SRPRA: variants seen among roughly 807,000 people sequenced by gnomAD.
SRPRA encodes the protein signal recognition particle receptor subunit alpha.
A neutral mutation model predicts 61.1 loss-of-function variants in SRPRA; 30 were observed. The ratio of observed to expected loss-of-function variants is 0.49; its 90% CI spans 0.37 to 0.67. SRPRA has a LOEUF of 0.67. Ranked by LOEUF, SRPRA falls within the 30% of genes least tolerant of loss-of-function variation. The probability of loss-of-function intolerance (pLI) is 0.00; values close to 1 mark genes in which losing one functional copy is unlikely to be tolerated. For missense variants in SRPRA, 759 were observed against 828.4 expected (o/e 0.92, Z 1.03); for synonymous variants, 324 against 299.7 (o/e 1.08, Z -0.84).
the SRPRA span, chr11:126,241,059 A>G: frequency 6.4e-7 from 1 of 1,555,696 alleles, no homozygotes; most frequent in Non-Finnish European, 8.7e-7. Flanking sequence ...GTACCCTAGT[A>G]TGTGCCACAG....
In SRPRA at chr11:126,265,176, T is replaced by C. The variant is rs1364309694; in HGVS notation, c.1312-4A>G. ...TCTCTAACAACCAGAAGGAAATCTG[T>C]GAAAAAGACGTAAGAAAAGTCACCT... On this transcript the variant is annotated splice_polypyrimidine_tract_variant and splice_region_variant and intron_variant, in intron 10 of 13. Coordinates refer to ENST00000332118, the MANE Select transcript of SRPRA (RefSeq NM_003139.4). The surrounding 1 kb of genome is among the most constrained non-coding windows in gnomAD (Gnocchi z 6.3). 1.2e-6 allele frequency: 2 copies of C among 1,613,858 alleles called. No homozygotes were observed. Among genetic ancestry groups the C allele is most frequent in the African/African-American group, 2.7e-5 (2 of 74,862 alleles).
In SRPRA at chr11:126,264,584, C is replaced by T; in HGVS notation, c.1526-45G>A. Reference sequence around the variant, plus strand: ...AACTCTGAACACCTGGACTACCACTCATGCTCGTTCCCAGCTTCCTCTCAA... The same window carrying T: ...AACTCTGAACACCTGGACTACCACTTATGCTCGTTCCCAGCTTCCTCTCAA... On this transcript the variant is annotated intron_variant, in intron 11 of 13. Coordinates refer to ENST00000332118, the MANE Select transcript of SRPRA (RefSeq NM_003139.4). This position sits in a 1 kb window ranked among gnomAD's most constrained non-coding sequence, Gnocchi z 5.0. 1.3e-6 allele frequency: 2 copies of T among 1,597,518 alleles called. No homozygotes were observed. The highest frequency in any genetic ancestry group is 1.1e-5 in the South Asian group (1 of 89,978).
chr11:126,265,666 T>C lies in SRPRA; in HGVS notation c.1138+71A>G, dbSNP rs1391832585. On this transcript the variant is annotated intron_variant, in intron 9 of 13. Coordinates refer to ENST00000332118, the MANE Select transcript of SRPRA (RefSeq NM_003139.4). The surrounding 1 kb of genome is among the most constrained non-coding windows in gnomAD (Gnocchi z 6.3). ...GTTAAGGAATTTGCCGAAAGTCACA[T>C]ACCTAGTAAGAACTGAGGTCTATGC... 1.3e-6 allele frequency: 2 copies of C among 1,536,536 alleles called. No individual in the cohort carries two copies. Among genetic ancestry groups the C allele is most frequent in the South Asian group, 1.1e-5 (1 of 88,162 alleles).
At chr11:126,241,830 A>C in the SRPRA span, among the ~76,000 whole-genome samples, 1 of 152,108 alleles carries the variant, frequency 6.6e-6, no homozygotes, top group South Asian at 2.1e-4. Flanking sequence ...GATTATAGGC[A>C]TGAGCCACTG....
the SRPRA span, chr11:126,256,892 C>G: frequency 1.3e-6 from 2 of 1,558,484 alleles, no homozygotes; most frequent in Non-Finnish European, 1.7e-6. This position sits in a 1 kb window ranked among gnomAD's most constrained non-coding sequence, Gnocchi z 6.6. Flanking sequence ...CAGAGAACAA[C>G]AGCTCTTCAG....
the SRPRA span, among the ~76,000 whole-genome samples, chr11:126,246,620 T>A: frequency 3.1e-3 from 473 of 152,262 alleles, 1 homozygote; most frequent in Non-Finnish European, 4.7e-3. Flanking sequence ...TTTCTTTTTT[T>A]AAATAGAAAT....
Position 126,267,876 on chromosome 11 carries a change from T to C in SRPRA, c.201+127A>G, listed in dbSNP as rs1950849023. On this transcript the variant is annotated intron_variant, in intron 2 of 13. Transcript: ENST00000332118. This position sits in a 1 kb window ranked among gnomAD's most constrained non-coding sequence, Gnocchi z 4.2. The stretch of plus-strand genomic sequence containing the variant: ...TGCCTGGGCCCAGTAGCTGCTGTTT[T>C]CCCCCATCTACCTTTCTAGTTTTTT... The C allele has an allele frequency of 3.6e-6, 5 of 1,373,470 alleles. No individual in the cohort carries two copies. Among genetic ancestry groups the C allele is most frequent in the Admixed American group, 3.8e-5 (2 of 52,140 alleles). The allele number at this position is 1,373,470 out of a possible 1,614,324, so 85.1% of individuals were successfully genotyped here.
the SRPRA span, among the ~76,000 whole-genome samples, chr11:126,247,572 A>G: frequency 6.6e-6 from 1 of 152,108 alleles, no homozygotes; most frequent in Non-Finnish European, 1.5e-5. Context: ...AAAATGTAGT[A>G]CGTATTTGCC....
At position 126,263,963 on chromosome 11, in the gene SRPRA, G is replaced by C; in HGVS notation, c.1870C>G (p.Arg624Gly). ...VGTGQTYCDL[R>G]SLNAKAVVAA... Reference sequence around the variant, plus strand: ...ACCACAGCCTTGGCATTGAGGCTGCGTAGGTCACAGTAGGTCTGGCCGGTG... The same window carrying C: ...ACCACAGCCTTGGCATTGAGGCTGCCTAGGTCACAGTAGGTCTGGCCGGTG... Residue 624 changes from arginine (R) to glycine (G), a missense_variant, in exon 14 of 14, where the codon CGC (arginine) becomes GGC (glycine). Coordinates refer to ENST00000332118, the MANE Select transcript of SRPRA (RefSeq NM_003139.4). 1 of 1,614,194 alleles carries C rather than the reference G, an allele frequency of 6.2e-7. No homozygotes were observed. Among genetic ancestry groups the C allele is most frequent in the Non-Finnish European group, 8.5e-7 (1 of 1,180,038 alleles).
At chr11:126,236,911 CA>C in the SRPRA span, among the ~76,000 whole-genome samples, 1 of 129,448 alleles carries the variant, frequency 7.7e-6, no homozygotes, top group African/African-American at 2.9e-5. Context: ...TTATGTTTCA[CA>C]GATGCTTTTT....
At chr11:126,261,203 G>T (rs1950690060), downstream of SRPRA, 4 of 554,288 alleles carry the variant, frequency 7.2e-6, no homozygotes, top group Middle Eastern at 4.8e-4. Context: ...AGCAATCGTA[G>T]TGCACTGTGG....
the SRPRA span, among the ~76,000 whole-genome samples, chr11:126,236,075 G>A: frequency 6.6e-6 from 1 of 152,186 alleles, no homozygotes; most frequent in South Asian, 2.1e-4. Flanking sequence ...CTGGATGCTA[G>A]TCCACTCTGG....
At chr11:126,251,133 A>G in the SRPRA span, among the ~76,000 whole-genome samples, 1 of 152,210 alleles carries the variant, frequency 6.6e-6, no homozygotes, top group Non-Finnish European at 1.5e-5. Flanking sequence ...TGGAAGAACA[A>G]CTTCCAGGCC....
At chr11:126,237,196 G>A in the SRPRA span, among the ~76,000 whole-genome samples, 10 of 139,984 alleles carry the variant, frequency 7.1e-5, no homozygotes, top group African/African-American at 2.4e-4. Context: ...GATTACAGAC[G>A]TGAGCCACCG....
intron 6 of SRPRA, 91 bp from the exon 7 acceptor site, chr11:126,266,369 G>A (rs1426395176): frequency 8.8e-6 from 14 of 1,588,766 alleles, no homozygotes; most frequent in Admixed American, 1.7e-5. Flanking sequence ...ATTTTGGGAA[G>A]CTCCAAGTAT....
chr11:126,243,858 C>T, the SRPRA span, among the ~76,000 whole-genome samples: 6 of 150,092 alleles, frequency 4.0e-5, no homozygotes, highest in Non-Finnish European at 7.4e-5. Flanking sequence ...GAGCCAAGAT[C>T]GCACCACTGC....
At chr11:126,243,777 G>A in the SRPRA span, among the ~76,000 whole-genome samples, 1 of 151,908 alleles carries the variant, frequency 6.6e-6, no homozygotes, top group Non-Finnish European at 1.5e-5. Flanking sequence ...GGTAGTGCAT[G>A]CCTGTAATCC....
Position 126,267,317 on chromosome 11 carries a change from A to G in SRPRA, c.384T>C (p.Ser128=). The G allele has an allele frequency of 6.2e-7, 1 of 1,613,984 alleles. No individual in the cohort carries two copies. Among genetic ancestry groups the G allele is most frequent in the Non-Finnish European group, 8.5e-7 (1 of 1,179,990 alleles). Residue 128 remains serine, a synonymous_variant, in exon 4 of 14, where the codon AGT becomes AGC. Transcript: ENST00000332118. This position sits in a 1 kb window ranked among gnomAD's most constrained non-coding sequence, Gnocchi z 4.2. ...TCATGGTAGTGGGAGCACGGATCTT[A>G]CTGCTCTCCTCTGCTTCACTAAACA... The part of the protein sequence containing the change: ...LRLLREAEES[S]KIRAPTTMKK...
In SRPRA at chr11:126,264,797, C is replaced by G. The variant is rs904263705; in HGVS notation, c.1525+162G>C. 3 of 812,210 alleles carry G rather than the reference C, an allele frequency of 3.7e-6. No homozygotes were observed. In the African/African-American group the frequency reaches 5.2e-5, roughly 14 times the overall value. 50.3% of individuals were successfully genotyped at this position (812,210 alleles called of 1,614,324 possible). The stretch of plus-strand genomic sequence containing the variant: ...ATATTAGCTTTGCCTGCAACTACAT[C>G]TGTTATCCAAAAGCAGAGCATGGCA... On this transcript the variant is annotated intron_variant, in intron 11 of 13. Coordinates refer to ENST00000332118, the MANE Select transcript of SRPRA (RefSeq NM_003139.4). The surrounding 1 kb of genome is among the most constrained non-coding windows in gnomAD (Gnocchi z 5.0).
Sources: gnomAD v4.1 joint callset for allele counts (sites outside exome capture counted in the v4.1 genomes callset) on GRCh38, gnomAD v4.1.1 for gene constraint, Gnocchi (gnomAD v3.1) non-coding constraint, MANE v1.5 for transcripts, NCBI Gene and HGNC (gene_info 2026-07-23, HGNC 2026-07-21) for gene names.